FERMT2: variants seen among roughly 807,000 people sequenced by gnomAD.
The protein encoded by FERMT2 is fermitin family homolog 2.
Under a neutral mutation model 82.7 loss-of-function variants are expected in FERMT2, and 15 were observed. That is an observed-to-expected ratio of 0.18 (90% CI 0.12 to 0.28). The LOEUF (loss-of-function observed/expected upper bound fraction) is 0.28. FERMT2 is among the 10% of genes least tolerant of loss of function. The pLI, the probability that FERMT2 is intolerant of heterozygous loss-of-function variation, is 1.00. For missense variants in FERMT2, 645 were observed against 809.4 expected, an observed-to-expected ratio of 0.80 and a Z score of 2.46; for synonymous variants, 274 against 271.5, an observed-to-expected ratio of 1.01 and a Z score of -0.09.
intron 3 of FERMT2, among the ~76,000 whole-genome samples, chr14:52,909,115 C>G (rs954564171): frequency 1.3e-5 from 2 of 152,156 alleles, no homozygotes; most frequent in South Asian, 2.1e-4. Flanking sequence ...TGTTAGGACA[C>G]AGGTGTGGAA....
chr14:52,877,873 T>C (rs557057443), intron 7 of FERMT2, among the ~76,000 whole-genome samples: 1 of 152,296 alleles, frequency 6.6e-6, no homozygotes, highest in Non-Finnish European at 1.5e-5. Flanking sequence ...AAAGCATTAC[T>C]CGGGTATCTG....
intron 2 of FERMT2, among the ~76,000 whole-genome samples, chr14:52,932,539 T>A (rs755576640): frequency 6.6e-6 from 1 of 152,160 alleles, no homozygotes; most frequent in Non-Finnish European, 1.5e-5. Flanking sequence ...TATACTAATA[T>A]GCAAAATTAA....
chr14:52,946,374 C>T (rs1469292593), intron 2 of FERMT2, among the ~76,000 whole-genome samples: 1 of 145,418 alleles, frequency 6.9e-6, no homozygotes, highest in Non-Finnish European at 1.5e-5. Flanking sequence ...AAAAAAAAAA[C>T]AGGCATGGCA....
At position 52,875,477 on chromosome 14, in the gene FERMT2, T is replaced by C. The variant is rs78013661; in HGVS notation, c.964-120A>G. 5,312 of 660,302 alleles carry C rather than the reference T, an allele frequency of 8.0e-3. 32 individuals carry two copies. The highest frequency in any genetic ancestry group is 0.011 in the Admixed American group (345 of 31,550). The allele number at this position is 660,302 out of a possible 1,614,324, so 40.9% of individuals were successfully genotyped here. On this transcript the variant is annotated intron_variant, in intron 7 of 14. Transcript: ENST00000341590. ...CCTAATTTGAAAAGACAGAAGCGTC[T>C]AGGAACTAGAACGATAGGAAATAAA...
At chr14:52,902,637 G>C (rs976768460) in intron 3 of FERMT2, among the ~76,000 whole-genome samples, 1 of 151,660 alleles carries the variant, frequency 6.6e-6, no homozygotes, top group Non-Finnish European at 1.5e-5. Context: ...GGGAGGCCGA[G>C]GCGGGTGGAT....
chr14:52,881,199 T>C, intron 5 of FERMT2, 45 bp downstream of exon 5: 1 of 1,589,778 alleles, frequency 6.3e-7, no homozygotes, highest in Non-Finnish European at 8.6e-7. Context: ...TTTCTACCTC[T>C]AGCTGGATGA....
chr14:52,932,295 C>T (rs1889627023), intron 2 of FERMT2, among the ~76,000 whole-genome samples: 2 of 152,134 alleles, frequency 1.3e-5, no homozygotes, highest in Non-Finnish European at 2.9e-5. Context: ...GGCCAAAAGA[C>T]TAATGTTAGG....
At chr14:52,938,054 C>T (rs1889927947) in intron 2 of FERMT2, among the ~76,000 whole-genome samples, 1 of 152,174 alleles carries the variant, frequency 6.6e-6, no homozygotes, top group South Asian at 2.1e-4. Context: ...TATAAGGACA[C>T]TAAGTTGCGA....
In FERMT2 at chr14:52,858,443, A is replaced by G. The variant is rs1193929898; in HGVS notation, c.1977T>C (p.Arg659=). The stretch of plus-strand genomic sequence containing the variant: ...CTAAACTCTCGTTTTGGTCTTTTGC[A>G]CGTGTTGAGAGAAATATGTAGCCAC... ...FIGGYIFLST[R]AKDQNESLDE... The change falls in exon 15 of 15, where the codon CGT becomes CGC. Residue 659 remains arginine (R), a synonymous_variant. Transcript: ENST00000341590. The G allele has an allele frequency of 1.9e-6, 3 of 1,614,156 alleles. No individual in the cohort carries two copies. The highest frequency in any genetic ancestry group is 1.7e-5 in the Admixed American group (1 of 60,018).
At chr14:52,892,732 A>C (rs1403147138) in intron 4 of FERMT2, among the ~76,000 whole-genome samples, 1 of 152,220 alleles carries the variant, frequency 6.6e-6, no homozygotes, top group Non-Finnish European at 1.5e-5. Context: ...CTGGGATTAC[A>C]GGCGTGAGCC....
intron 4 of FERMT2, among the ~76,000 whole-genome samples, chr14:52,884,784 T>C (rs1339568483): frequency 1.3e-5 from 2 of 151,964 alleles, no homozygotes; most frequent in Non-Finnish European, 2.9e-5. Context: ...GCAGATCACC[T>C]GAGGTCAGGA....
intron 10 of FERMT2, 74 bp downstream of exon 10, chr14:52,872,725 C>T: frequency 1.3e-6 from 2 of 1,514,760 alleles, no homozygotes; most frequent in East Asian, 2.3e-5. Context: ...TTGTTTATCC[C>T]AGCAAGTGGC....
At chr14:52,916,673 A>T (rs1299163910) in intron 3 of FERMT2, among the ~76,000 whole-genome samples, 2 of 152,214 alleles carry the variant, frequency 1.3e-5, no homozygotes, top group Admixed American at 1.3e-4. Context: ...ACCCTAACAT[A>T]AACTACTGTC....
chr14:52,917,661 G>C (rs1180076057), intron 3 of FERMT2, among the ~76,000 whole-genome samples: 1 of 152,148 alleles, frequency 6.6e-6, no homozygotes, highest in Admixed American at 6.5e-5. Flanking sequence ...TAGGCGGGGA[G>C]GGAAGATGAA....
intron 12 of FERMT2, 100 bp from the exon 13 acceptor site, chr14:52,860,565 A>C: frequency 1.0e-6 from 1 of 964,564 alleles, no homozygotes; most frequent in East Asian, 2.6e-5. Flanking sequence ...CCCGTACCCC[A>C]AAATCATATT....
chr14:52,918,734 T>A (rs1032194621), intron 3 of FERMT2, among the ~76,000 whole-genome samples: 4 of 152,218 alleles, frequency 2.6e-5, no homozygotes, highest in African/African-American at 9.6e-5. Context: ...GTCATTTCCT[T>A]AGGAGCTGTG....
At chr14:52,860,499 A>AC (rs2140048205) in intron 12 of FERMT2, 34 bp from the exon 13 acceptor site, 1 of 1,584,144 alleles carries the variant, frequency 6.3e-7, no homozygotes, top group Admixed American at 1.8e-5. Context: ...TTACCATTGA[A>AC]CATTATTCTC....
At chr14:52,888,613 G>A (rs750751880) in intron 4 of FERMT2, among the ~76,000 whole-genome samples, 4 of 151,952 alleles carry the variant, frequency 2.6e-5, no homozygotes, top group Non-Finnish European at 5.9e-5. Flanking sequence ...AGCCATTTCC[G>A]TATGATGTAA....
chr14:52,874,279 T>A, intron 8 of FERMT2, 53 bp from the exon 9 acceptor site: 1 of 1,121,786 alleles, frequency 8.9e-7, no homozygotes, highest in Non-Finnish European at 1.3e-6. Context: ...AAATTCTTTC[T>A]AATGTTTGGT....
Sources: allele counts gnomAD v4.1 joint callset (sites outside exome capture counted in the v4.1 genomes callset), GRCh38; gene constraint gnomAD v4.1.1; transcripts MANE v1.5; gene names NCBI Gene and HGNC (gene_info 2026-07-23, HGNC 2026-07-21).